THEMIS: variants seen among roughly 807,000 people sequenced by gnomAD.
The protein encoded by THEMIS is thymocyte selection associated.
Under a neutral mutation model 52.6 loss-of-function variants are expected in THEMIS, and 37 were observed. The observed-to-expected ratio is 0.70, with a 90% CI of 0.54 to 0.93. The LOEUF (loss-of-function observed/expected upper bound fraction) is 0.93. Among genes scored for constraint, THEMIS ranks in the 40% least tolerant of loss-of-function variants. The pLI is 0.00. For missense variants in THEMIS, 808 were observed against 763.1 expected (o/e 1.06, Z -0.69); for synonymous variants, 292 against 272.7 (o/e 1.07, Z -0.70).
At chr6:127,896,050 T>TA (rs112950362) in intron 1 of THEMIS, among the ~76,000 whole-genome samples, 12 of 151,414 alleles carry the variant, frequency 7.9e-5, no homozygotes, top group Admixed American at 2.0e-4. Context: ...CTTTTTAATG[T>TA]AAAAAAAACT....
At chr6:127,704,369 T>C (rs1278853040), downstream of THEMIS, among the ~76,000 whole-genome samples, 1 of 152,160 alleles carries the variant, frequency 6.6e-6, no homozygotes, top group Non-Finnish European at 1.5e-5. Flanking sequence ...ACCTCTGCCA[T>C]ATTACTTGAA....
intron 4 of THEMIS, among the ~76,000 whole-genome samples, chr6:127,783,553 C>T (rs887174966): frequency 6.6e-6 from 1 of 152,160 alleles, no homozygotes; most frequent in South Asian, 2.1e-4. Flanking sequence ...AATCAAACAA[C>T]CCCATCAAAA....
intron 2 of THEMIS, among the ~76,000 whole-genome samples, chr6:127,836,577 T>C (rs757432034): frequency 5.3e-5 from 8 of 152,326 alleles, no homozygotes; most frequent in Middle Eastern, 6.8e-3. Flanking sequence ...ATTAAATGAA[T>C]GTCAGGGCTT....
At position 127,813,723 on chromosome 6, in the gene THEMIS, G is replaced by T. The variant is rs202188461; in HGVS notation, c.918C>A (p.Thr306=). The change falls in exon 4 of 6, where the codon ACC becomes ACA. Residue 306 remains threonine, a synonymous_variant. Coordinates refer to ENST00000368248, the MANE Select transcript of THEMIS (RefSeq NM_001010923.3). ...LPQSILQPGK[T]IVIHKKYQAS... ...CCTGGTACTTTTTGTGGATCACAAT[G>T]GTTTTCCCAGGCTGTAAAATGCTTT... 23 of 1,613,734 alleles carry T rather than the reference G, an allele frequency of 1.4e-5. No individual in the cohort carries two copies. Among genetic ancestry groups the T allele is most frequent in the African/African-American group, 5.3e-5 (4 of 74,866 alleles).
intron 2 of THEMIS, among the ~76,000 whole-genome samples, chr6:127,854,392 G>C (rs1430139387): frequency 1.3e-5 from 2 of 151,740 alleles, no homozygotes; most frequent in Non-Finnish European, 2.9e-5. Flanking sequence ...CCAACCCCTA[G>C]TGTAAAAAAT....
downstream of THEMIS, among the ~76,000 whole-genome samples, chr6:127,704,782 G>A (rs1473377961): frequency 2.0e-5 from 3 of 152,114 alleles, no homozygotes; most frequent in African/African-American, 7.2e-5. Context: ...AGCACACAAG[G>A]CACTCACCCA....
At position 127,886,168 on chromosome 6, in the gene THEMIS, T is replaced by C. The variant is rs192579652; in HGVS notation, c.91+14674A>G. Among the ~76,000 whole-genome samples the C allele has an allele frequency of 1.1e-3, 162 of 152,258 alleles. 5 individuals carry two copies. The highest frequency in any genetic ancestry group is 0.011 in the Admixed American group (162 of 15,262). On this transcript the variant is annotated intron_variant, in intron 1 of 5. Coordinates refer to ENST00000368248, the MANE Select transcript of THEMIS (RefSeq NM_001010923.3). ...AAACACCATTCACCCAGACATTTCT[T>C]TGGTTAACTCCCTCACTTCTCCCAA...
At chr6:127,736,257 T>A (rs771065739) in intron 4 of THEMIS, among the ~76,000 whole-genome samples, 1 of 152,166 alleles carries the variant, frequency 6.6e-6, no homozygotes, top group African/African-American at 2.4e-5. Context: ...AATTTATAAA[T>A]TCAGTGGAGA....
rs1254155696 is a variant in THEMIS, at chr6:127,739,862, A to G, written c.1759-20039T>C. 2.1e-5 allele frequency among the ~76,000 whole-genome samples: 3 copies of G among 146,022 alleles called. No individual in the cohort carries two copies. In the East Asian group the frequency reaches 5.9e-4, roughly 29 times the overall value. ...TTCTGATATTCCTGTCTAAGGTTCC[A>G]CTATGAATAGTCAAAAATACAGAGT... On this transcript the variant is annotated intron_variant, in intron 4 of 5. Coordinates refer to ENST00000368248, the MANE Select transcript of THEMIS (RefSeq NM_001010923.3).
intron 1 of THEMIS, among the ~76,000 whole-genome samples, chr6:127,882,930 C>T (rs1420378247): frequency 6.6e-6 from 1 of 151,836 alleles, no homozygotes; most frequent in Non-Finnish European, 1.5e-5. Context: ...ATGATTTTTG[C>T]TGTATGAACT....
chr6:127,769,542 C>T (rs966539199), intron 4 of THEMIS, among the ~76,000 whole-genome samples: 15 of 152,042 alleles, frequency 9.9e-5, no homozygotes, highest in Non-Finnish European at 2.9e-5. Context: ...TTGTTCTCTA[C>T]GGCCAGTCAT....
intron 2 of THEMIS, among the ~76,000 whole-genome samples, chr6:127,847,116 T>C (rs1779241116): frequency 6.6e-6 from 1 of 151,550 alleles, no homozygotes; most frequent in South Asian, 2.1e-4. Flanking sequence ...AAAAAATAGG[T>C]ATAGAAGGGA....
chr6:127,799,901 T>C (rs529308759), intron 4 of THEMIS, among the ~76,000 whole-genome samples: 6 of 152,338 alleles, frequency 3.9e-5, no homozygotes, highest in African/African-American at 1.4e-4. Flanking sequence ...CTTGACAAGT[T>C]ATAAGTGACC....
intron 2 of THEMIS, among the ~76,000 whole-genome samples, chr6:127,848,818 C>G (rs931285975): frequency 2.0e-5 from 3 of 151,986 alleles, no homozygotes; most frequent in African/African-American, 7.2e-5. Flanking sequence ...GTAGATTCTG[C>G]ATATTAGCCC....
Position 127,813,611 on chromosome 6 carries a change from G to T in THEMIS, c.1030C>A (p.Arg344=). 2.5e-6 allele frequency: 4 copies of T among 1,614,024 alleles called. No homozygotes were observed. The highest frequency in any genetic ancestry group is 2.5e-6 in the Non-Finnish European group (3 of 1,179,994). The change falls in exon 4 of 6, where the codon CGG becomes AGG. Residue 344 remains arginine, a synonymous_variant. Coordinates refer to ENST00000368248, the MANE Select transcript of THEMIS (RefSeq NM_001010923.3). ...IPTSYKGKFK[R]RPREFPTAYD... ...GCCGTTGGGAACTCCCTCGGTCGCCGCTTGAACTTGCCTTTATAGCTAGTG... is the reference window on the plus strand; with the variant it reads ...GCCGTTGGGAACTCCCTCGGTCGCCTCTTGAACTTGCCTTTATAGCTAGTG...
chr6:127,731,068 G>T (rs1296561561), intron 4 of THEMIS, among the ~76,000 whole-genome samples: 3 of 152,196 alleles, frequency 2.0e-5, no homozygotes, highest in African/African-American at 7.2e-5. Context: ...TATAAATTAG[G>T]CATATTTAGT....
chr6:127,803,067 C>T (rs1421729065), intron 4 of THEMIS, among the ~76,000 whole-genome samples: 1 of 152,168 alleles, frequency 6.6e-6, no homozygotes, highest in Non-Finnish European at 1.5e-5. Context: ...CTACCATATG[C>T]TAAAATTCTC....
intron 1 of THEMIS, among the ~76,000 whole-genome samples, chr6:127,884,728 T>A (rs926480707): frequency 6.6e-6 from 1 of 152,150 alleles, no homozygotes; most frequent in African/African-American, 2.4e-5. Flanking sequence ...TACCATAGAC[T>A]GGGTAGTTTA....
At chr6:127,780,131 G>T (rs1415471388) in intron 4 of THEMIS, among the ~76,000 whole-genome samples, 1 of 152,088 alleles carries the variant, frequency 6.6e-6, no homozygotes, top group Non-Finnish European at 1.5e-5. Context: ...TTGTTTCATT[G>T]ATCGCTTTAC....
Sources: gnomAD v4.1 joint callset for allele counts (sites outside exome capture counted in the v4.1 genomes callset) on GRCh38, gnomAD v4.1.1 for gene constraint, MANE v1.5 for transcripts, NCBI Gene and HGNC (gene_info 2026-07-23, HGNC 2026-07-21) for gene names.